The following EYS variants were observed in gnomAD, a reference collection of about 807,000 sequenced individuals.
EYS encodes EGF-like photoreceptor maintenance factor, also known as protein eyes shut homolog.
In EYS, 250 loss-of-function variants were observed where a neutral mutation model predicts 282.1. That is an observed-to-expected ratio of 0.89 (90% confidence interval 0.80 to 0.98). The LOEUF (loss-of-function observed/expected upper bound fraction) is 0.98. Ranked by LOEUF, EYS falls within the 50% of genes least tolerant of loss-of-function variation. EYS has a pLI of 0.00. For missense variants in EYS, 4,016 were observed against 3,709.0 expected (o/e 1.08, Z -2.15); for synonymous variants, 1,355 against 1,282.9 (o/e 1.06, Z -1.20).
chr6:64,141,314 G>C (rs527740839), intron 31 of EYS, among the ~76,000 whole-genome samples: 1 of 152,296 alleles, frequency 6.6e-6, no homozygotes, highest in African/African-American at 2.4e-5. Context: ...AAGCCAGAAG[G>C]CTTTTGTCCT....
chr6:65,180,964 C>T (rs1283194375), intron 12 of EYS, among the ~76,000 whole-genome samples: 1 of 152,056 alleles, frequency 6.6e-6, no homozygotes, highest in South Asian at 2.1e-4. Context: ...GGAAAGGATT[C>T]CCTATTTAAT....
chr6:64,579,862 T>C (rs1766003943), intron 26 of EYS, among the ~76,000 whole-genome samples: 1 of 152,112 alleles, frequency 6.6e-6, no homozygotes, highest in African/African-American at 2.4e-5. Flanking sequence ...CTATGATCTC[T>C]TACCTTTACA....
intron 12 of EYS, among the ~76,000 whole-genome samples, chr6:65,060,459 T>A (rs1192620630): frequency 1.3e-5 from 2 of 151,958 alleles, no homozygotes; most frequent in Non-Finnish European, 2.9e-5. Flanking sequence ...ATTTAGAGGA[T>A]GATGTAAAAA....
chr6:65,160,676 G>A (rs188774194), intron 12 of EYS, among the ~76,000 whole-genome samples: 26 of 150,652 alleles, frequency 1.7e-4, no homozygotes, highest in South Asian at 1.2e-3. Flanking sequence ...TTCATCCCAC[G>A]TTAAAGATGG....
At chr6:64,389,893 T>C (rs1046977230) in intron 28 of EYS, among the ~76,000 whole-genome samples, 10 of 152,020 alleles carry the variant, frequency 6.6e-5, no homozygotes, top group African/African-American at 2.4e-4. Context: ...TGCCAGACAG[T>C]GGGCGCAGGT....
intron 1 of EYS, among the ~76,000 whole-genome samples, chr6:65,642,302 A>G (rs950508269): frequency 6.6e-6 from 1 of 152,142 alleles, no homozygotes; most frequent in African/African-American, 2.4e-5. Flanking sequence ...TAAGCATTAC[A>G]CATAATTAAC....
intron 12 of EYS, among the ~76,000 whole-genome samples, chr6:65,169,575 C>A (rs1252974552): frequency 6.6e-6 from 1 of 151,290 alleles, no homozygotes; most frequent in African/African-American, 2.4e-5. Context: ...CATGCTTTTT[C>A]AATTATGGTA....
At chr6:64,655,039 A>G (rs1208494327) in intron 22 of EYS, among the ~76,000 whole-genome samples, 3 of 152,138 alleles carry the variant, frequency 2.0e-5, no homozygotes, top group Non-Finnish European at 2.9e-5. Flanking sequence ...AGAAAGTTTT[A>G]CCTTCTAAAT....
chr6:65,161,099 A>G (rs1473513192), intron 12 of EYS, among the ~76,000 whole-genome samples: 2 of 150,988 alleles, frequency 1.3e-5, no homozygotes, highest in Non-Finnish European at 3.0e-5. Context: ...TTAGATTATC[A>G]TGTAAGTCTT....
intron 13 of EYS, among the ~76,000 whole-genome samples, chr6:65,025,322 C>A (rs2180329): frequency 0.95 from 144,678 of 152,224 alleles, 68,824 homozygotes; most frequent in African/African-American, 0.97. Flanking sequence ...AACAATACAG[C>A]AAAATGCACA....
intron 31 of EYS, among the ~76,000 whole-genome samples, chr6:64,092,218 G>A (rs1366388460): frequency 6.6e-6 from 1 of 152,196 alleles, no homozygotes; most frequent in African/African-American, 2.4e-5. Flanking sequence ...ACATACGTGT[G>A]CATGTGTCTT....
chr6:65,040,106 A>G (rs1772889692), intron 13 of EYS, among the ~76,000 whole-genome samples: 1 of 151,650 alleles, frequency 6.6e-6, no homozygotes, highest in African/African-American at 2.4e-5. Context: ...TTTTAGTTGT[A>G]TGAGACTTCG....
At chr6:64,126,811 A>G (rs1162560394) in intron 31 of EYS, among the ~76,000 whole-genome samples, 1 of 151,590 alleles carries the variant, frequency 6.6e-6, no homozygotes, top group African/African-American at 2.4e-5. Context: ...ATTTAAAAAT[A>G]TATATACACA....
intron 22 of EYS, among the ~76,000 whole-genome samples, chr6:64,691,231 A>T (rs1325967145): frequency 6.6e-6 from 1 of 152,134 alleles, no homozygotes; most frequent in Non-Finnish European, 1.5e-5. Context: ...GCAGTCTTTA[A>T]GGTCACGAAC....
At position 65,335,322 on chromosome 6, in the gene EYS, T is replaced by C. The variant is rs73741294; in HGVS notation, c.1600-176A>G. Among the ~76,000 whole-genome samples the C allele has an allele frequency of 0.026, 4,018 of 151,784 alleles. 157 individuals carry two copies. The highest frequency in any genetic ancestry group is 0.088 in the African/African-American group (3,665 of 41,444). On this transcript the variant is annotated intron_variant, in intron 10 of 42. Coordinates refer to ENST00000503581, the MANE Select transcript of EYS (RefSeq NM_001142800.2). ...TTCAAAGCTTGGCTGGCACAGCAAT[T>C]CCCTAAATTTCTAGAGCTACAAGAA...
At chr6:65,289,456 G>A (rs34727934) in intron 12 of EYS, among the ~76,000 whole-genome samples, 6,213 of 151,002 alleles carry the variant, frequency 0.041, 180 homozygotes, top group South Asian at 0.078. Context: ...TTTTCTTGAG[G>A]ACTACTCCCA....
At chr6:64,848,982 A>T (rs956373927) in intron 19 of EYS, among the ~76,000 whole-genome samples, 1 of 152,080 alleles carries the variant, frequency 6.6e-6, no homozygotes, top group Non-Finnish European at 1.5e-5. Flanking sequence ...CAGAACTGCA[A>T]ATCATATTGA....
intron 13 of EYS, among the ~76,000 whole-genome samples, chr6:65,050,310 C>T (rs1003656069): frequency 3.8e-4 from 57 of 151,518 alleles, no homozygotes; most frequent in African/African-American, 1.3e-3. Flanking sequence ...CACAATACTG[C>T]TAATAAAAAC....
rs1165341086 is a variant in EYS at position 63,789,380 on chromosome 6, CTGT to C, written c.7412-159_7412-157del. ...AGCATTTAGGTATATGTGCAACTGGCTGTTGTTATTCCCAGCCCCAGAAACAGA... is the reference window on the plus strand; with the variant it reads ...AGCATTTAGGTATATGTGCAACTGGCTGTTATTCCCAGCCCCAGAAACAGA... On this transcript the variant is annotated intron_variant, in intron 37 of 42. Coordinates refer to ENST00000503581, the MANE Select transcript of EYS (RefSeq NM_001142800.2). Among the ~76,000 whole-genome samples the C allele has an allele frequency of 3.9e-5, 6 of 152,294 alleles. No homozygotes were observed. In the South Asian group the frequency reaches 1.2e-3, roughly 32 times the overall value.
Sources: gnomAD v4.1 joint callset for allele counts (sites outside exome capture counted in the v4.1 genomes callset) on GRCh38, gnomAD v4.1.1 for gene constraint, MANE v1.5 for transcripts, NCBI Gene and HGNC (gene_info 2026-07-23, HGNC 2026-07-21) for gene names.